The following TTN variants were observed in gnomAD, a reference collection of about 807,000 sequenced individuals.
TTN encodes the protein connectin.
A neutral mutation model predicts 3,223.0 loss-of-function variants in TTN; 1,525 were observed. That is an observed-to-expected ratio of 0.47 (90% CI 0.45 to 0.49). The LOEUF (loss-of-function observed/expected upper bound fraction) is 0.49, where lower values mean the gene tolerates loss of function less well. Among genes scored for constraint, TTN ranks in the 20% least tolerant of loss-of-function variants. TTN has a pLI of 0.00. For synonymous variants in TTN, 14,094 were observed against 15,161.0 expected (o/e 0.93, Z 5.17); for missense variants, 40,786 against 43,424.0 (o/e 0.94, Z 5.40).
chr2:178,740,147 C>T lies in TTN; in HGVS notation c.13086G>A (p.Glu4362=), dbSNP rs753471578. 9 of 1,613,668 alleles carry T rather than the reference C, an allele frequency of 5.6e-6. No individual in the cohort carries two copies. In the Admixed American group the frequency reaches 1.5e-4, roughly 27 times the overall value. ...CCTGCACTTTCTTTATTGCCACGGG[C>T]TCTCTTTTAGACTCAATGATTTGGT... The part of the protein sequence containing the change: ...PPDQIIESKR[E]PVAIKKVQEV... Residue 4362 remains glutamate, a synonymous_variant, in exon 48 of 363, where the codon GAG becomes GAA. Coordinates refer to ENST00000589042, the MANE Select transcript of TTN (RefSeq NM_001267550.2).
rs764095381 is a variant in TTN at position 178,767,911 on chromosome 2, T to C, written c.9319A>G (p.Lys3107Glu). ...LQITDRIKIQ[K>E]EKYVHRLLIP... is the part of the protein sequence containing the mutation. Reference sequence around the variant, plus strand: ...AGAAGGCGGTGGACATATTTCTCCTTCTGAATCTTTATTCTATGGATGAAA... The same window carrying C: ...AGAAGGCGGTGGACATATTTCTCCTCCTGAATCTTTATTCTATGGATGAAA... Residue 3107 changes from lysine (K) to glutamate (E), a missense_variant, in exon 40 of 363, where the codon AAG becomes GAG. By Grantham distance (56) the Lys-to-Glu change is moderately conservative. Coordinates refer to ENST00000589042, the MANE Select transcript of TTN (RefSeq NM_001267550.2). 4 of 1,613,960 alleles carry C rather than the reference T, an allele frequency of 2.5e-6. No homozygotes were observed. Among genetic ancestry groups the C allele is most frequent in the Non-Finnish European group, 3.4e-6 (4 of 1,179,994 alleles).
At position 178,717,165 on chromosome 2, in the gene TTN, G is replaced by A. The variant is rs375022009; in HGVS notation, c.25569C>T (p.Ala8523=). ...LTVLKVGKGD[A]GQYTCYASNI... The stretch of plus-strand genomic sequence containing the variant: ...TGCTTGCATAGCAGGTGTACTGCCC[G>A]GCATCGCCTTTGCCTACTTTGAGAA... Residue 8523 remains alanine, a synonymous_variant, in exon 88 of 363, where the codon GCC becomes GCT. Coordinates refer to ENST00000589042, the MANE Select transcript of TTN (RefSeq NM_001267550.2). 1.5e-4 allele frequency: 248 copies of A among 1,613,456 alleles called. No individual in the cohort carries two copies. Among genetic ancestry groups the A allele is most frequent in the East Asian group, 4.9e-4 (22 of 44,862 alleles).
Position 178,775,633 on chromosome 2 carries a change from A to C in TTN, c.6231T>G (p.Ala2077=). The C allele has an allele frequency of 6.2e-7, 1 of 1,614,056 alleles. No individual in the cohort carries two copies. Among genetic ancestry groups the C allele is most frequent in the Non-Finnish European group, 8.5e-7 (1 of 1,179,992 alleles). ...TCTGGATTCTTTCGAAGATTTTTGG[A>C]GCCTCCATACTAGGACTTAGTTCAA... ...DKIELSPSME[A]PKIFERIQSQ... Residue 2077 remains alanine (A), a synonymous_variant, in exon 28 of 363, where the codon GCT becomes GCG. Transcript: ENST00000589042.
Position 178,612,909 on chromosome 2 carries a change from C to T in TTN, c.49812G>A (p.Gly16604=), listed in dbSNP as rs760032120. 1.1e-5 allele frequency: 17 copies of T among 1,612,446 alleles called. No individual in the cohort carries two copies. Among genetic ancestry groups the T allele is most frequent in the African/African-American group, 2.7e-5 (2 of 74,802 alleles). ...GTDEWVRVAE[G]VPTTQHLLPG... is the part of the protein sequence containing the mutation. ...GGAGCAAGTGCTGAGTGGTGGGAAC[C>T]CCTTCCGCCACTCTGACCCACTCAT... The change falls in exon 265 of 363, where the codon GGG becomes GGA. Residue 16604 remains glycine, a synonymous_variant. Transcript: ENST00000589042.
In TTN at chr2:178,770,209, C is replaced by T. The variant is rs2306636; in HGVS notation, c.8492G>A (p.Ser2831Asn). The change falls in exon 36 of 363, where the codon AGT becomes AAT. Residue 2831 changes from serine to asparagine, a missense_variant. Transcript: ENST00000589042. ...TTTGTCACTTGGCTTAATTTCCACA[C>T]TCTTATGGAACCATTTTACTGGAAC... Reference protein sequence around the residue: ...DTVPVKWFHKSVEIKPSDKHR... With the variant: ...DTVPVKWFHKNVEIKPSDKHR... 88,306 of 1,614,076 alleles carry T rather than the reference C, an allele frequency of 0.055. 4,018 individuals carry two copies. The highest frequency in any genetic ancestry group is 0.21 in the Admixed American group (12,356 of 60,018).
At chr2:178,597,042 C>T (rs1322023833) in intron 294 of TTN, among the ~76,000 whole-genome samples, 1 of 152,068 alleles carries the variant, frequency 6.6e-6, no homozygotes, top group Admixed American at 6.6e-5. Context: ...GTGAAATGGT[C>T]AGCACTGGCA....
At position 178,610,047 on chromosome 2, in the gene TTN, G is replaced by A. The variant is rs544323917; in HGVS notation, c.51436+43C>T. 1.7e-5 allele frequency: 28 copies of A among 1,611,496 alleles called. No individual in the cohort carries two copies. In the African/African-American group the frequency reaches 2.7e-4, roughly 15 times the overall value. ...ACCACCTTCTTAAAACAAAACTATG[G>A]TTTATTAGTTCTTAGCCATAGTGCA... is the stretch of plus-strand genomic sequence containing the variant. On this transcript the variant is annotated intron_variant, in intron 271 of 362. Coordinates refer to ENST00000589042, the MANE Select transcript of TTN (RefSeq NM_001267550.2).
intron 211 of TTN, 80 bp downstream of exon 211, chr2:178,649,737 T>C: frequency 6.4e-7 from 1 of 1,557,308 alleles, no homozygotes; most frequent in South Asian, 1.1e-5. Context: ...AACAAACATA[T>C]AATACAACAC....
Position 178,630,298 on chromosome 2 carries a change from C to T in TTN, c.44224G>A (p.Gly14742Ser). ...TTGGCAGCTTGGAAATCCACCCCAC[C>T]CGTCTGGTCCAGGCGACAGTTGTGC... Reference protein sequence around the residue: ...VLHNCRLDQTGGVDFQAANVK... With the variant: ...VLHNCRLDQTSGVDFQAANVK... The change falls in exon 239 of 363, where the codon GGT becomes AGT. Residue 14742 changes from glycine to serine, a missense_variant. Coordinates refer to ENST00000589042, the MANE Select transcript of TTN (RefSeq NM_001267550.2). The T allele has an allele frequency of 1.2e-6, 2 of 1,613,170 alleles. No homozygotes were observed. Among genetic ancestry groups the T allele is most frequent in the Non-Finnish European group, 1.7e-6 (2 of 1,179,452 alleles).
At chr2:178,775,306 T>C (rs986913045) in intron 28 of TTN, 50 bp downstream of exon 28, 10 of 1,612,558 alleles carry the variant, frequency 6.2e-6, no homozygotes, top group Non-Finnish European at 8.5e-6. Flanking sequence ...CACTCATGGA[T>C]ATTCTTGAAT....
rs560348247 is a variant in TTN at position 178,653,074 on chromosome 2, G to T, written c.38842C>A (p.Pro12948Thr). 5.6e-6 allele frequency: 9 copies of T among 1,613,246 alleles called. No individual in the cohort carries two copies. In the East Asian group the frequency reaches 2.0e-4, roughly 36 times the overall value. The change falls in exon 199 of 363, where the codon CCT becomes ACT. Residue 12948 changes from proline (P) to threonine (T), a missense_variant. Physicochemically the swap from Pro to Thr is conservative, Grantham distance 38 (BLOSUM62 -1). Transcript: ENST00000589042. The part of the protein sequence containing the change: ...VVPEKKVPVT[P>T]PKKPEVPPVK... Reference sequence around the variant, plus strand: ...GGTGGGACTTCAGGTTTTTTAGGAGGAGTCACTGGCACTTTCTTTTCAGGA... The same window carrying T: ...GGTGGGACTTCAGGTTTTTTAGGAGTAGTCACTGGCACTTTCTTTTCAGGA...
At position 178,622,686 on chromosome 2, in the gene TTN, G is replaced by T; in HGVS notation, c.44897C>A (p.Ser14966Tyr). ...GTCACAGACCTTAGCATTTTCTCGGGAAAGTTCACACTCAAATCGAGCCAT... is the reference window on the plus strand; with the variant it reads ...GTCACAGACCTTAGCATTTTCTCGGTAAAGTTCACACTCAAATCGAGCCAT... ...KEMARFECEL[S>Y]RENAKVKWFK... Residue 14966 changes from serine to tyrosine, a missense_variant, in exon 243 of 363, where the codon TCC (serine) becomes TAC (tyrosine). Transcript: ENST00000589042. The T allele has an allele frequency of 6.2e-7, 1 of 1,606,166 alleles. No individual in the cohort carries two copies. The highest frequency in any genetic ancestry group is 8.5e-7 in the Non-Finnish European group (1 of 1,176,176).
chr2:178,564,964 A>G lies in TTN; in HGVS notation c.81168T>C (p.Ser27056=), dbSNP rs767101518. 7.8e-5 allele frequency: 126 copies of G among 1,612,094 alleles called. No homozygotes were observed. Among genetic ancestry groups the G allele is most frequent in the Non-Finnish European group, 1.1e-4 (124 of 1,179,096 alleles). The change falls in exon 326 of 363, where the codon AGT becomes AGC. Residue 27056 remains serine, a synonymous_variant. Transcript: ENST00000589042. ...TAACTGCCTTAGAATCCAGTGGGGC[A>G]CTTTTTCCATACCTGTTTTCAGCAA... ...RIFAENRYGK[S]APLDSKAVIV...
At chr2:178,713,734 G>A (rs1323452476) in intron 92 of TTN, 163 bp downstream of exon 92, 2 of 991,170 alleles carry the variant, frequency 2.0e-6, no homozygotes, top group Non-Finnish European at 2.9e-6. Flanking sequence ...TTTGAACATG[G>A]TTTTCTTCTA....
At chr2:178,768,221 G>A in intron 38 of TTN, 66 bp from the exon 39 acceptor site, 2 of 1,530,188 alleles carry the variant, frequency 1.3e-6, no homozygotes, top group Non-Finnish European at 9.0e-7. Flanking sequence ...TTCACATACT[G>A]TACAATCCAC....
At position 178,726,782 on chromosome 2, in the gene TTN, A is replaced by G. The variant is rs187633102; in HGVS notation, c.20275+308T>C. 169 of 231,404 alleles carry G rather than the reference A, an allele frequency of 7.3e-4. 1 individual carries two copies. The highest frequency in any genetic ancestry group is 3.6e-3 in the African/African-American group (161 of 44,586). 14.3% of individuals were successfully genotyped at this position (231,404 alleles called of 1,614,324 possible). A position where few individuals can be genotyped will look rare whatever the true frequency, so the allele number is the denominator to read the frequency against. On this transcript the variant is annotated intron_variant, in intron 69 of 362. Transcript: ENST00000589042. ...ATATCTGTAAGTTGATTGAAAGCAA[A>G]AGACTAATTTTAAAATGCCTACTTC...
At position 178,552,118 on chromosome 2, in the gene TTN, C is replaced by A; in HGVS notation, c.90782G>T (p.Ser30261Ile). 6.2e-7 allele frequency: 1 copy of A among 1,613,752 alleles called. No homozygotes were observed. The highest frequency in any genetic ancestry group is 8.5e-7 in the Non-Finnish European group (1 of 1,179,762). The change falls in exon 335 of 363, where the codon AGC becomes ATC. Residue 30261 changes from serine (S) to isoleucine (I), a missense_variant. Physicochemically the swap from Ser to Ile is moderately radical, Grantham distance 142. Transcript: ENST00000589042. ...DNGGGEITCY[S>I]IEKRETSQTN... ...TTGTGAAGTTTCCCGCTTCTCGATG[C>A]TGTAACAAGTAATTTCTCCTCCTCC...
Position 178,621,941 on chromosome 2 carries a change from G to A in TTN, c.44981C>T (p.Ala14994Val). The A allele has an allele frequency of 1.9e-6, 3 of 1,611,772 alleles. No homozygotes were observed. The highest frequency in any genetic ancestry group is 2.2e-5 in the East Asian group (1 of 44,534). The change falls in exon 244 of 363, where the codon GCA becomes GTA. Residue 14994 changes from alanine (A) to valine (V), a missense_variant. Coordinates refer to ENST00000589042, the MANE Select transcript of TTN (RefSeq NM_001267550.2). The stretch of plus-strand genomic sequence containing the variant: ...TTTGTTGATGACAAGAATGCGCACT[G>A]CTCCCTTGGATATGATGTCATATTT... ...GKKYDIISKG[A>V]VRILVINKCL...
intron 116 of TTN, 72 bp downstream of exon 116, chr2:178,694,757 T>C (rs1481963389): frequency 1.3e-6 from 2 of 1,485,580 alleles, no homozygotes; most frequent in African/African-American, 2.8e-5. Flanking sequence ...ATTATATAAA[T>C]AACTAATGTG....
Sources: gnomAD v4.1 joint callset for allele counts (sites outside exome capture counted in the v4.1 genomes callset) on GRCh38, gnomAD v4.1.1 for gene constraint, MANE v1.5 for transcripts, NCBI Gene and HGNC (gene_info 2026-07-23, HGNC 2026-07-21) for gene names.